ASPH: variants seen among roughly 807,000 people sequenced by gnomAD.
ASPH encodes the protein aspartyl/asparaginyl beta-hydroxylase.
Under a neutral mutation model 118.4 loss-of-function variants are expected in ASPH, and 100 were observed. That is an observed-to-expected ratio of 0.84 (90% CI 0.72 to 1.00). The LOEUF is 1.00. Ranked by LOEUF, ASPH falls within the 50% of genes least tolerant of loss-of-function variation. ASPH has a pLI of 0.00. For missense variants in ASPH, 920 were observed against 919.5 expected, an observed-to-expected ratio of 1.00 and a Z score of -0.01; for synonymous variants, 315 against 325.6, an observed-to-expected ratio of 0.97 and a Z score of 0.35.
At chr8:61,602,407 C>A (rs1844267952) in intron 14 of ASPH, among the ~76,000 whole-genome samples, 1 of 150,998 alleles carries the variant, frequency 6.6e-6, no homozygotes, top group African/African-American at 2.5e-5. Context: ...AAACCAATTC[C>A]TGAAAAAAAA....
At chr8:61,629,385 T>C (rs1050425318) in intron 13 of ASPH, among the ~76,000 whole-genome samples, 1 of 152,242 alleles carries the variant, frequency 6.6e-6, no homozygotes, top group African/African-American at 2.4e-5. Context: ...CCATTTGTGT[T>C]GTGTATATTT....
chr8:61,608,356 G>T (rs1846216116), intron 14 of ASPH, among the ~76,000 whole-genome samples: 1 of 152,120 alleles, frequency 6.6e-6, no homozygotes, highest in South Asian at 2.1e-4. Context: ...CAAGATTCAG[G>T]CAGTAACAGC....
chr8:61,576,087 G>A (rs1835042270), intron 16 of ASPH, among the ~76,000 whole-genome samples: 1 of 152,130 alleles, frequency 6.6e-6, no homozygotes, highest in African/African-American at 2.4e-5. Context: ...TGGGCCTCCT[G>A]TCTCTGTGAG....
In ASPH at chr8:61,589,494, C is replaced by T. The variant is rs1302369324; in HGVS notation, c.977-5465G>A. Among the ~76,000 whole-genome samples, 3 of 152,290 alleles carry T rather than the reference C, an allele frequency of 2.0e-5. No homozygotes were observed. The East Asian group carries it at 5.8e-4, about 29-fold the overall frequency. ...CACAAAAAGGAAAAAACCCAACATG[C>T]GAATCTAGACCTAGCTAGGCCCTCA... On this transcript the variant is annotated intron_variant, in intron 14 of 24. Coordinates refer to ENST00000379454, the MANE Select transcript of ASPH (RefSeq NM_004318.4).
intron 2 of ASPH, chr8:61,682,544 T>A: frequency 4.8e-6 from 7 of 1,463,198 alleles, no homozygotes; most frequent in Non-Finnish European, 6.7e-6. Context: ...ATACTTAAAG[T>A]GTCCTCTTTT....
chr8:61,675,109 T>C (rs527620435), intron 3 of ASPH: 1 of 198,238 alleles, frequency 5.0e-6, no homozygotes, highest in African/African-American at 2.4e-5. Flanking sequence ...GATTCAAATA[T>C]GTTTTTAAGG....
chr8:61,688,526 A>T (rs1563607939), intron 1 of ASPH, among the ~76,000 whole-genome samples: 1 of 152,192 alleles, frequency 6.6e-6, no homozygotes, highest in Non-Finnish European at 1.5e-5. Context: ...TTGAACAGTC[A>T]CCAGCTACTT....
chr8:61,526,130 G>C lies in ASPH; in HGVS notation c.1765-18C>G. On this transcript the variant is annotated intron_variant, in intron 21 of 24. Transcript: ENST00000379454. ...TCTAAAGACTAGAGGGAAGATTCTG[G>C]CTTTACTGGACTGAAAAAGGGCCTG... 6.2e-7 allele frequency: 1 copy of C among 1,613,558 alleles called. No homozygotes were observed. The highest frequency in any genetic ancestry group is 8.5e-7 in the Non-Finnish European group (1 of 1,179,758).
At chr8:61,592,690 CAA>C (rs1033799157) in intron 14 of ASPH, among the ~76,000 whole-genome samples, 5 of 152,118 alleles carry the variant, frequency 3.3e-5, no homozygotes, top group African/African-American at 1.2e-4. Flanking sequence ...TGTGAAGTTT[CAA>C]AGTCATCACA....
At chr8:61,682,021 C>G (rs921813313) in intron 2 of ASPH, among the ~76,000 whole-genome samples, 1 of 151,932 alleles carries the variant, frequency 6.6e-6, no homozygotes, top group African/African-American at 2.4e-5. Flanking sequence ...GTTATCATTT[C>G]TTTAACACAA....
chr8:61,512,261 G>T (rs76476290), intron 24 of ASPH, among the ~76,000 whole-genome samples: 5 of 151,972 alleles, frequency 3.3e-5, no homozygotes, highest in Non-Finnish European at 5.9e-5. Context: ...CACCTGATTT[G>T]GAAAAAAGAT....
intron 21 of ASPH, among the ~76,000 whole-genome samples, chr8:61,529,943 T>C (rs899477561): frequency 1.3e-5 from 2 of 152,204 alleles, no homozygotes; most frequent in Non-Finnish European, 2.9e-5. Context: ...CACCTCTTAA[T>C]ACTATCACCT....
At chr8:61,570,872 T>C (rs66559425) in intron 16 of ASPH, among the ~76,000 whole-genome samples, 14,330 of 152,258 alleles carry the variant, frequency 0.094, 954 homozygotes, top group East Asian at 0.28. Flanking sequence ...GATAATAAAG[T>C]GAATTGAGTT....
At chr8:61,648,096 A>G (rs1808979542) in intron 5 of ASPH, among the ~76,000 whole-genome samples, 1 of 152,168 alleles carries the variant, frequency 6.6e-6, no homozygotes, top group South Asian at 2.1e-4. Context: ...CTGTGGGCAA[A>G]TTACTTAACT....
chr8:61,632,561 A>G, intron 13 of ASPH: 1 of 332,308 alleles, frequency 3.0e-6, no homozygotes, highest in South Asian at 2.7e-5. Context: ...AAACACAAAT[A>G]CACACTGCCT....
chr8:61,548,041 T>C (rs770104095), intron 21 of ASPH, 30 bp downstream of exon 21: 2 of 1,575,342 alleles, frequency 1.3e-6, no homozygotes, highest in East Asian at 2.3e-5. Flanking sequence ...GACAAAGATC[T>C]GGTGAGGATG....
intron 14 of ASPH, among the ~76,000 whole-genome samples, chr8:61,594,742 T>A (rs974491590): frequency 6.6e-6 from 1 of 152,194 alleles, no homozygotes; most frequent in African/African-American, 2.4e-5. Context: ...AGATTAAGTT[T>A]TGTCATAGTG....
At chr8:61,588,924 A>C (rs1170616514) in intron 14 of ASPH, among the ~76,000 whole-genome samples, 12 of 152,234 alleles carry the variant, frequency 7.9e-5, no homozygotes, top group Admixed American at 7.9e-4. Flanking sequence ...AAAAAATGAA[A>C]TACTACTCAG....
chr8:61,620,411 G>A lies in ASPH; in HGVS notation c.935-1392C>T, dbSNP rs534998731. On this transcript the variant is annotated intron_variant, in intron 13 of 24. Coordinates refer to ENST00000379454, the MANE Select transcript of ASPH (RefSeq NM_004318.4). ...AAGAGAAGTGCCAGTCTTGACTTTT[G>A]CAAAGAGTTGATTGATTTTATAGGG... 6.7e-4 allele frequency among the ~76,000 whole-genome samples: 30 copies of A among 44,482 alleles called. No individual in the cohort carries two copies. The East Asian group carries it at 0.014, about 21-fold the overall frequency. The allele number at this position is 44,482 out of a possible 152,430, so 29.2% of individuals were successfully genotyped here. A position where few individuals can be genotyped will look rare whatever the true frequency, so the allele number is the denominator to read the frequency against.
Sources: gnomAD v4.1 joint callset for allele counts (sites outside exome capture counted in the v4.1 genomes callset) on GRCh38, gnomAD v4.1.1 for gene constraint, MANE v1.5 for transcripts, NCBI Gene and HGNC (gene_info 2026-07-23, HGNC 2026-07-21) for gene names.